The following LRIG1 variants were observed in gnomAD, a reference collection of about 807,000 sequenced individuals.
The protein encoded by LRIG1 is leucine-rich repeats and immunoglobulin-like domains protein 1.
LRIG1 carries 48 observed loss-of-function variants against 99.2 expected under a neutral mutation model. That is an observed-to-expected ratio of 0.48 (90% CI 0.38 to 0.62). The LOEUF (loss-of-function observed/expected upper bound fraction) is 0.62, where lower values mean the gene tolerates loss of function less well. Among genes scored for constraint, LRIG1 ranks in the 20% least tolerant of loss-of-function variants. LRIG1 has a pLI of 0.00. For synonymous variants in LRIG1, 772 were observed against 596.1 expected (o/e 1.29, Z -4.30); for missense variants, 1,646 against 1,434.4 (o/e 1.15, Z -2.38).
At chr3:66,494,767 T>C (rs1487199241) in intron 1 of LRIG1, among the ~76,000 whole-genome samples, 1 of 152,234 alleles carries the variant, frequency 6.6e-6, no homozygotes, top group East Asian at 1.9e-4. Context: ...GACTTTCAAC[T>C]AGAAATTAGA....
chr3:66,466,620 T>C (rs1364871294), intron 1 of LRIG1, among the ~76,000 whole-genome samples: 1 of 152,196 alleles, frequency 6.6e-6, no homozygotes, highest in Non-Finnish European at 1.5e-5. Flanking sequence ...CCATCTGAGA[T>C]CCCAAGAACA....
intron 3 of LRIG1, among the ~76,000 whole-genome samples, chr3:66,439,938 C>A (rs1299578647): frequency 6.6e-6 from 1 of 152,122 alleles, no homozygotes; most frequent in Non-Finnish European, 1.5e-5. Context: ...AAAACCTCTA[C>A]TAGGGATCCC....
In LRIG1 at chr3:66,380,284, C is replaced by T. The variant is rs1700957175; in HGVS notation, c.3261G>A (p.Leu1087=). 2 of 1,613,056 alleles carry T rather than the reference C, an allele frequency of 1.2e-6. No homozygotes were observed. Among genetic ancestry groups the T allele is most frequent in the Non-Finnish European group, 8.5e-7 (1 of 1,179,274 alleles). The part of the protein sequence containing the change: ...GQLPGKQRVP[L]LLAPKS ...AAACCTAGCTTTTTGGTGCCAACAG[C>T]AGTGGCACCCTCTGTTTCCCGGGGA... The change falls in exon 19 of 19, where the codon CTG becomes CTA. Residue 1087 remains leucine, a synonymous_variant. Transcript: ENST00000273261.
At chr3:66,414,323 G>A (rs1022637712) in intron 5 of LRIG1, among the ~76,000 whole-genome samples, 7 of 151,992 alleles carry the variant, frequency 4.6e-5, no homozygotes, top group East Asian at 1.9e-4. Context: ...TGTGAACCCC[G>A]GGGGCGGAGC....
intron 12 of LRIG1, 55 bp downstream of exon 12, chr3:66,393,985 T>C: frequency 6.3e-7 from 1 of 1,586,622 alleles, no homozygotes; most frequent in Non-Finnish European, 8.6e-7. Context: ...GAAGAGTACC[T>C]CCTGGCTTCC....
At position 66,402,592 on chromosome 3, in the gene LRIG1, A is replaced by C. The variant is rs992165907; in HGVS notation, c.1160+2606T>G. 4.6e-5 allele frequency among the ~76,000 whole-genome samples: 7 copies of C among 152,094 alleles called. No homozygotes were observed. The East Asian group carries it at 1.3e-3, about 29-fold the overall frequency. Reference sequence around the variant, plus strand: ...CCAAGGTCCTTGAGTAACTCAGCGAAGGCAGGGGTCTCTACCTTCCCATCC... The same window carrying C: ...CCAAGGTCCTTGAGTAACTCAGCGACGGCAGGGGTCTCTACCTTCCCATCC... On this transcript the variant is annotated intron_variant, in intron 9 of 18. Transcript: ENST00000273261.
At chr3:66,431,378 C>T (rs1247339888) in intron 3 of LRIG1, among the ~76,000 whole-genome samples, 2 of 152,200 alleles carry the variant, frequency 1.3e-5, no homozygotes, top group African/African-American at 2.4e-5. Context: ...ATGAGAGTGT[C>T]CCTTAAGGCC....
At chr3:66,462,554 A>G (rs1559811481) in intron 1 of LRIG1, 45 bp from the exon 2 acceptor site, 5 of 1,338,296 alleles carry the variant, frequency 3.7e-6, no homozygotes, top group Non-Finnish European at 5.3e-6. Context: ...ACAACCTGGC[A>G]TCATACCCAG....
chr3:66,474,076 A>G (rs1483970087), intron 1 of LRIG1, among the ~76,000 whole-genome samples: 1 of 152,226 alleles, frequency 6.6e-6, no homozygotes, highest in Non-Finnish European at 1.5e-5. Flanking sequence ...TCAAGATTCA[A>G]AAACCACAAA....
chr3:66,395,718 G>C (rs575410523), intron 11 of LRIG1, among the ~76,000 whole-genome samples: 1 of 152,348 alleles, frequency 6.6e-6, no homozygotes, highest in South Asian at 2.1e-4. Flanking sequence ...GGCCATCCCT[G>C]AGGAAATGGT....
intron 3 of LRIG1, among the ~76,000 whole-genome samples, chr3:66,428,004 G>A (rs1294657543): frequency 6.6e-6 from 1 of 152,196 alleles, no homozygotes. Flanking sequence ...TCTATTGACA[G>A]AACATACAGC....
chr3:66,411,317 G>C (rs1286130235), intron 6 of LRIG1, among the ~76,000 whole-genome samples: 1 of 152,324 alleles, frequency 6.6e-6, no homozygotes, highest in Middle Eastern at 3.4e-3. Context: ...TGCTCAAAAG[G>C]TAAGCACTTA....
At chr3:66,460,336 T>G (rs1287634887) in intron 2 of LRIG1, among the ~76,000 whole-genome samples, 1 of 152,190 alleles carries the variant, frequency 6.6e-6, no homozygotes, top group Non-Finnish European at 1.5e-5. Context: ...GGGAAAGCAC[T>G]GGGTTACAAA....
At position 66,434,472 on chromosome 3, in the gene LRIG1, C is replaced by T. The variant is rs139889839; in HGVS notation, c.365+17087G>A. On this transcript the variant is annotated intron_variant, in intron 3 of 18. Transcript: ENST00000273261. ...AAAAAAATACAACACCACGGTCAGG[C>T]GCGGTAGCTCACACCTGTAATCCCA... Among the ~76,000 whole-genome samples the T allele has an allele frequency of 3.1e-3, 478 of 152,278 alleles. 11 individuals are homozygous for T. In the East Asian group the frequency reaches 0.047, roughly 15 times the overall value.
At position 66,380,213 on chromosome 3, in the gene LRIG1, C is replaced by T; in HGVS notation, c.*50G>A. 6.7e-7 allele frequency: 1 copy of T among 1,498,488 alleles called. No homozygotes were observed. Among genetic ancestry groups the T allele is most frequent in the Non-Finnish European group, 9.1e-7 (1 of 1,099,056 alleles). 92.8% of individuals were successfully genotyped at this position (1,498,488 alleles called of 1,614,324 possible). On this transcript the variant is annotated 3_prime_UTR_variant, in exon 19 of 19. Coordinates refer to ENST00000273261, the MANE Select transcript of LRIG1 (RefSeq NM_015541.3). ...CCAAGCTTCCTCGCAGCCTCTCCTA[C>T]CTCTCTTTCCCGTAGAGATTGGTAT... is the stretch of plus-strand genomic sequence containing the variant.
rs1178861121 is a variant in LRIG1 at position 66,382,253 on chromosome 3, C to T, written c.2617+20G>A. The T allele has an allele frequency of 1.9e-6, 3 of 1,613,834 alleles. No individual in the cohort carries two copies. Among genetic ancestry groups the T allele is most frequent in the East Asian group, 4.5e-5 (2 of 44,866 alleles). ...ACACAGTCACAGCAGAGCTCTGCTT[C>T]ACAGTTACTGAGGCCTTACCATTGC... On this transcript the variant is annotated intron_variant, in intron 16 of 18. Coordinates refer to ENST00000273261, the MANE Select transcript of LRIG1 (RefSeq NM_015541.3).
Position 66,398,148 on chromosome 3 carries a change from A to T in LRIG1, c.1268T>A (p.Phe423Tyr), listed in dbSNP as rs1701925995. 1 of 1,614,042 alleles carries T rather than the reference A, an allele frequency of 6.2e-7. No individual in the cohort carries two copies. The highest frequency in any genetic ancestry group is 1.7e-5 in the Admixed American group (1 of 60,012). ...LGGNAIRSVQ[F>Y]DAFVKMKNLK... ...ATTCTTCATCTTCACAAAGGCATCA[A>T]ACTGGACAGATCTGATCGCATTCCC... The change falls in exon 11 of 19, where the codon TTT becomes TAT. Residue 423 changes from phenylalanine (F) to tyrosine (Y), a missense_variant. By Grantham distance (22) the Phe-to-Tyr change is conservative. Transcript: ENST00000273261.
intron 3 of LRIG1, among the ~76,000 whole-genome samples, chr3:66,439,056 C>A (rs929288737): frequency 2.0e-5 from 3 of 152,184 alleles, no homozygotes; most frequent in African/African-American, 4.8e-5. Flanking sequence ...TCAGGGTTCT[C>A]GTTAACACAC....
At chr3:66,458,436 C>T (rs928009360) in intron 2 of LRIG1, among the ~76,000 whole-genome samples, 4 of 152,184 alleles carry the variant, frequency 2.6e-5, no homozygotes, top group Non-Finnish European at 5.9e-5. Flanking sequence ...GGTGTGGGGG[C>T]TCATACCTGT....
Sources: allele counts gnomAD v4.1 joint callset (sites outside exome capture counted in the v4.1 genomes callset), GRCh38; gene constraint gnomAD v4.1.1; transcripts MANE v1.5; gene names NCBI Gene and HGNC (gene_info 2026-07-23, HGNC 2026-07-21).